The following TBC1D24 variants were observed in gnomAD, a reference collection of about 807,000 sequenced individuals.
TBC1D24 encodes TBC1 domain family member 24.
A neutral mutation model predicts 50.7 loss-of-function variants in TBC1D24; 47 were observed. The observed-to-expected ratio is 0.93, with a 90% confidence interval of 0.73 to 1.18. The LOEUF is 1.18. TBC1D24 is among the 50% of genes most tolerant of loss of function. TBC1D24 has a pLI of 0.00. For missense variants in TBC1D24, 688 were observed against 766.5 expected, an observed-to-expected ratio of 0.90 and a Z score of 1.21; for synonymous variants, 324 against 335.2, an observed-to-expected ratio of 0.97 and a Z score of 0.36.
intron 3 of TBC1D24, 59 bp from the exon 4 acceptor site, chr16:2,498,179 G>A: frequency 1.3e-6 from 2 of 1,545,974 alleles, no homozygotes; most frequent in East Asian, 4.9e-5. Context: ...CATACCTCGG[G>A]GGGCATGGCC....
chr16:2,480,548 T>C (rs1442072394), intron 1 of TBC1D24: 2 of 152,040 alleles, frequency 1.3e-5, no homozygotes, highest in South Asian at 2.1e-4. Context: ...ATAATTTTAA[T>C]TGGGTGCCAC....
At position 2,504,295 on chromosome 16, in the gene TBC1D24, T is replaced by C. The variant is rs1038070877; in HGVS notation, c.*3337T>C. On this transcript the variant is annotated 3_prime_UTR_variant, in exon 8 of 8. Coordinates refer to ENST00000646147, the MANE Select transcript of TBC1D24 (RefSeq NM_001199107.2). Reference sequence around the variant, plus strand: ...AAGTAATTTTTGATTTGCAGAAGAGTTGCAGAGACGGTACAGGGTTTCCAT... The same window carrying C: ...AAGTAATTTTTGATTTGCAGAAGAGCTGCAGAGACGGTACAGGGTTTCCAT... 4 of 152,080 alleles carry C rather than the reference T, an allele frequency of 2.6e-5. No individual in the cohort carries two copies. The highest frequency in any genetic ancestry group is 2.9e-5 in the Non-Finnish European group (2 of 68,032). 9.4% of individuals were successfully genotyped at this position (152,080 alleles called of 1,614,324 possible).
At position 2,499,297 on chromosome 16, in the gene TBC1D24, TGCAGGAGGCG is replaced by T. The variant is rs2065770186; in HGVS notation, c.1143-57_1143-48del. 6.6e-7 allele frequency: 1 copy of T among 1,517,230 alleles called. No homozygotes were observed. The highest frequency in any genetic ancestry group is 1.4e-5 in the African/African-American group (1 of 73,078). The allele number at this position is 1,517,230 out of a possible 1,614,324, so 94.0% of individuals were successfully genotyped here. ...CAAGACAGCTGGGGCCAGCGGAGGC[TGCAGGAGGCG>T]GCTGGGAGGGTGTGCAGGGTGACAG... On this transcript the variant is annotated intron_variant, in intron 4 of 7. Transcript: ENST00000646147. This position sits in a 1 kb window ranked among gnomAD's most constrained non-coding sequence, Gnocchi z 4.0.
At chr16:2,488,904 C>CAA (rs1272998413) in intron 1 of TBC1D24, among the ~76,000 whole-genome samples, 3,571 of 97,594 alleles carry the variant, frequency 0.037, 163 homozygotes, top group African/African-American at 0.12. Context: ...ACTAAAAATA[C>CAA]AAAAAAAAAA....
At chr16:2,488,163 G>A (rs2065665820) in intron 1 of TBC1D24, among the ~76,000 whole-genome samples, 1 of 152,240 alleles carries the variant, frequency 6.6e-6, no homozygotes, top group Non-Finnish European at 1.5e-5. Context: ...TCCTCTTCCT[G>A]TGGGCGCCTT....
chr16:2,499,443 G>C lies in TBC1D24; in HGVS notation c.1206+23G>C, dbSNP rs1469611648. ...GAGGTGAGCAGGGGCCCTGGAGCCA[G>C]GGCTGGCTCTGATGGGCTCCAGGGC... On this transcript the variant is annotated intron_variant, in intron 5 of 7. Transcript: ENST00000646147. The surrounding 1 kb of genome is among the most constrained non-coding windows in gnomAD (Gnocchi z 4.0). 1 of 1,599,300 alleles carries C rather than the reference G, an allele frequency of 6.3e-7. No individual in the cohort carries two copies. Among genetic ancestry groups the C allele is most frequent in the Admixed American group, 1.7e-5 (1 of 59,378 alleles).
Position 2,503,293 on chromosome 16 carries a change from A to G in TBC1D24, c.*2335A>G, listed in dbSNP as rs2065809225. On this transcript the variant is annotated 3_prime_UTR_variant, in exon 8 of 8. Coordinates refer to ENST00000646147, the MANE Select transcript of TBC1D24 (RefSeq NM_001199107.2). ...CTTTTCCTAACTTTTCTACTAACCTAGAAGGTATGTGTGATTATTATCTTT... is the reference window on the plus strand; with the variant it reads ...CTTTTCCTAACTTTTCTACTAACCTGGAAGGTATGTGTGATTATTATCTTT... 1 of 152,180 alleles carries G rather than the reference A, an allele frequency of 6.6e-6. No homozygotes were observed. 9.4% of individuals were successfully genotyped at this position (152,180 alleles called of 1,614,324 possible).
intron 1 of TBC1D24, among the ~76,000 whole-genome samples, chr16:2,489,376 G>C (rs1429713019): frequency 6.6e-6 from 1 of 152,178 alleles, no homozygotes; most frequent in East Asian, 1.9e-4. Flanking sequence ...AGTTTGCAGG[G>C]AGCCGAGATC....
chr16:2,484,414 C>A, intron 1 of TBC1D24: 1 of 152,638 alleles, frequency 6.6e-6, no homozygotes. Context: ...CCCCAACGCC[C>A]AGTCTGCCCT....
At chr16:2,498,671 G>A (rs897562818) in intron 4 of TBC1D24, among the ~76,000 whole-genome samples, 1 of 152,164 alleles carries the variant, frequency 6.6e-6, no homozygotes, top group Non-Finnish European at 1.5e-5. Context: ...CATTGTCTTG[G>A]TTGGGGGACC....
intron 1 of TBC1D24, chr16:2,479,703 AC>A (rs2141852233): frequency 6.6e-6 from 1 of 152,164 alleles, no homozygotes; most frequent in South Asian, 2.1e-4. Flanking sequence ...TGTTATCTAC[AC>A]CCTCCAACAG....
chr16:2,492,616 T>C (rs2065704635), intron 1 of TBC1D24, among the ~76,000 whole-genome samples: 2 of 152,066 alleles, frequency 1.3e-5, no homozygotes, highest in African/African-American at 2.4e-5. Context: ...ACGTGTAAGA[T>C]TGTGCAGTGT....
intron 4 of TBC1D24, 105 bp downstream of exon 4, chr16:2,498,501 G>C: frequency 9.2e-7 from 1 of 1,087,510 alleles, no homozygotes; most frequent in Non-Finnish European, 1.3e-6. Context: ...GTGAGGCCCT[G>C]CTTCTTCCTG....
In TBC1D24 at chr16:2,486,944, G is replaced by A. The variant is rs2065655439; in HGVS notation, c.-115-9090G>A. 6.6e-6 allele frequency among the ~76,000 whole-genome samples: 1 copy of A among 152,212 alleles called. No homozygotes were observed. The highest frequency in any genetic ancestry group is 2.4e-5 in the African/African-American group (1 of 41,454). On this transcript the variant is annotated intron_variant, in intron 1 of 7. Transcript: ENST00000646147. This position sits in a 1 kb window ranked among gnomAD's most constrained non-coding sequence, Gnocchi z 5.8. Reference sequence around the variant, plus strand: ...TCTCCACCCTCCCGGTCTAGACTCTGCCTTCCTTTCTCCCTGGCTTCTCTG... The same window carrying A: ...TCTCCACCCTCCCGGTCTAGACTCTACCTTCCTTTCTCCCTGGCTTCTCTG...
rs2065750449 is a variant in TBC1D24 at position 2,497,129 on chromosome 16, C to G, written c.965+16C>G. On this transcript the variant is annotated intron_variant, in intron 2 of 7. Transcript: ENST00000646147. ...AGCAGAAGAGGTAGGTCGCCGGCAG[C>G]CTGTGAGGGGTACACCCAGGGTCGG... 3 of 1,599,628 alleles carry G rather than the reference C, an allele frequency of 1.9e-6. No individual in the cohort carries two copies. Among genetic ancestry groups the G allele is most frequent in the East Asian group, 4.5e-5 (2 of 44,880 alleles).
chr16:2,494,713 G>A (rs1160495043), intron 1 of TBC1D24, among the ~76,000 whole-genome samples: 2 of 152,090 alleles, frequency 1.3e-5, no homozygotes, highest in African/African-American at 4.8e-5. Flanking sequence ...CAAGGGCCAA[G>A]CTCTTGAAGC....
intron 1 of TBC1D24, among the ~76,000 whole-genome samples, chr16:2,490,067 C>A (rs1006484459): frequency 6.6e-6 from 1 of 152,226 alleles, no homozygotes; most frequent in East Asian, 1.9e-4. Context: ...GCTTCTTTCT[C>A]ACTCCTCTGG....
chr16:2,487,644 T>TTGGAGTTTGGTGC lies in TBC1D24; in HGVS notation c.-115-8338_-115-8326dup, dbSNP rs1233332035. The stretch of plus-strand genomic sequence containing the variant: ...TGGAGTTTGGTGTTGGAGTTTGGTG[T>TTGGAGTTTGGTGC]TGGAGTTTGGTGCTGGAGTTTGGTG... On this transcript the variant is annotated intron_variant, in intron 1 of 7. Coordinates refer to ENST00000646147, the MANE Select transcript of TBC1D24 (RefSeq NM_001199107.2). This position sits in a 1 kb window ranked among gnomAD's most constrained non-coding sequence, Gnocchi z 4.1. Among the ~76,000 whole-genome samples, 780 of 146,262 alleles carry TTGGAGTTTGGTGC rather than the reference T, an allele frequency of 5.3e-3. 25 individuals carry two copies. The highest frequency in any genetic ancestry group is 0.019 in the Middle Eastern group (5 of 268).
rs1270008991 is a variant in TBC1D24, at chr16:2,482,070, G to T, written c.-116+6900G>T. The T allele has an allele frequency of 6.6e-6, 1 of 152,262 alleles. No individual in the cohort carries two copies. The highest frequency in any genetic ancestry group is 1.5e-5 in the Non-Finnish European group (1 of 68,048). The allele number at this position is 152,262 out of a possible 1,614,324, so 9.4% of individuals were successfully genotyped here. Reference sequence around the variant, plus strand: ...TGAGGCAGGCACCCCTTACCTTCCTGTTATGTGAAGATGCCTGCAGGAAAG... The same window carrying T: ...TGAGGCAGGCACCCCTTACCTTCCTTTTATGTGAAGATGCCTGCAGGAAAG... On this transcript the variant is annotated intron_variant, in intron 1 of 7. Transcript: ENST00000646147. This position sits in a 1 kb window ranked among gnomAD's most constrained non-coding sequence, Gnocchi z 5.2.
Sources: allele counts gnomAD v4.1 joint callset (sites outside exome capture counted in the v4.1 genomes callset), GRCh38; gene constraint gnomAD v4.1.1; non-coding constraint Gnocchi (gnomAD v3.1); transcripts MANE v1.5; gene names NCBI Gene and HGNC (gene_info 2026-07-23, HGNC 2026-07-21).